STYK1: variants seen among roughly 807,000 people sequenced by gnomAD.
STYK1 encodes STY kinase 1, also known as tyrosine-protein kinase STYK1.
Under a neutral mutation model 48.1 loss-of-function variants are expected in STYK1, and 46 were observed. The ratio of observed to expected loss-of-function variants is 0.96; its 90% CI spans 0.75 to 1.22. The LOEUF (loss-of-function observed/expected upper bound fraction) is 1.22. Ranked by LOEUF, STYK1 falls within the 50% of genes most tolerant of loss-of-function variation. The pLI is 0.00. For missense variants in STYK1, 527 were observed against 521.1 expected (o/e 1.01, Z -0.11); for synonymous variants, 188 against 189.0 (o/e 0.99, Z 0.04).
intron 4 of STYK1, among the ~76,000 whole-genome samples, chr12:10,631,557 C>T (rs1947429469): frequency 6.6e-6 from 1 of 152,192 alleles, no homozygotes; most frequent in Non-Finnish European, 1.5e-5. Flanking sequence ...TTCCTTTCTG[C>T]CTTCCTTCCT....
chr12:10,650,352 C>A (rs929070175), intron 1 of STYK1, among the ~76,000 whole-genome samples: 2 of 152,252 alleles, frequency 1.3e-5, no homozygotes, highest in Non-Finnish European at 2.9e-5. Context: ...CTAACCTATA[C>A]AGCTGAGATA....
intron 1 of STYK1, among the ~76,000 whole-genome samples, chr12:10,643,583 A>T (rs567292844): frequency 2.0e-5 from 3 of 152,374 alleles, no homozygotes; most frequent in Non-Finnish European, 2.9e-5. Flanking sequence ...CATAAAAATT[A>T]TTAAATATGT....
intron 1 of STYK1, among the ~76,000 whole-genome samples, chr12:10,649,080 T>C (rs1947631489): frequency 6.6e-6 from 1 of 152,172 alleles, no homozygotes; most frequent in South Asian, 2.1e-4. Context: ...GGAAGATGTT[T>C]CTGAACACAC....
chr12:10,671,757 T>G (rs1204290479), intron 1 of STYK1, among the ~76,000 whole-genome samples: 1 of 152,232 alleles, frequency 6.6e-6, no homozygotes, highest in Non-Finnish European at 1.5e-5. Context: ...CAGAATCACA[T>G]AACTCCTGGC....
chr12:10,639,171 A>AG (rs1265139517), intron 1 of STYK1, among the ~76,000 whole-genome samples: 4 of 152,162 alleles, frequency 2.6e-5, no homozygotes, highest in Admixed American at 2.6e-4. Context: ...CAAACAAAAA[A>AG]CATGTTTAAT....
At chr12:10,621,395 G>A (rs1420309079) in intron 10 of STYK1, among the ~76,000 whole-genome samples, 1 of 152,126 alleles carries the variant, frequency 6.6e-6, no homozygotes, top group African/African-American at 2.4e-5. Flanking sequence ...TGGAAAAACA[G>A]GGAGACAGTC....
At chr12:10,635,360 G>A (rs1231909687) in intron 2 of STYK1, among the ~76,000 whole-genome samples, 5 of 152,180 alleles carry the variant, frequency 3.3e-5, no homozygotes, top group African/African-American at 1.2e-4. Flanking sequence ...AGATGTCGAA[G>A]GATATGAGTT....
chr12:10,647,661 G>T (rs1947615264), intron 1 of STYK1, among the ~76,000 whole-genome samples: 1 of 152,154 alleles, frequency 6.6e-6, no homozygotes, highest in Admixed American at 6.5e-5. Context: ...GAAGGGCCAG[G>T]AGTAAAATGA....
intron 6 of STYK1, among the ~76,000 whole-genome samples, chr12:10,628,898 C>G (rs1205029548): frequency 6.6e-6 from 1 of 151,832 alleles, no homozygotes; most frequent in Non-Finnish European, 1.5e-5. Flanking sequence ...TAATCATTAC[C>G]AAAAATACTC....
In STYK1 at chr12:10,619,361, C is replaced by CACAA. The variant is rs1472289018; in HGVS notation, c.*782_*783insTTGT. 2.0e-5 allele frequency: 3 copies of CACAA among 151,898 alleles called. No homozygotes were observed. The highest frequency in any genetic ancestry group is 4.4e-5 in the Non-Finnish European group (3 of 68,012). The allele number at this position is 151,898 out of a possible 1,614,324, so 9.4% of individuals were successfully genotyped here. ...CCTATTTATTGTGCACACACACACA[C>CACAA]ACACACACAGAATTCTTTTCACTGT... On this transcript the variant is annotated 3_prime_UTR_variant, in exon 11 of 11. Coordinates refer to ENST00000075503, the MANE Select transcript of STYK1 (RefSeq NM_018423.3).
chr12:10,658,768 T>G (rs1371564350), intron 1 of STYK1, among the ~76,000 whole-genome samples: 1 of 152,214 alleles, frequency 6.6e-6, no homozygotes, highest in Non-Finnish European at 1.5e-5. Flanking sequence ...AATAAATATG[T>G]TCTTGGTTAT....
chr12:10,660,326 TTC>T (rs1288366809), intron 1 of STYK1, among the ~76,000 whole-genome samples: 2 of 152,208 alleles, frequency 1.3e-5, no homozygotes, highest in Non-Finnish European at 2.9e-5. Flanking sequence ...CTGACCAAGC[TTC>T]TCTCTACCCT....
At chr12:10,639,809 C>T (rs766103368) in intron 1 of STYK1, among the ~76,000 whole-genome samples, 2 of 152,118 alleles carry the variant, frequency 1.3e-5, no homozygotes, top group Non-Finnish European at 2.9e-5. Context: ...CTTTGTTGTG[C>T]ATATATACTT....
At chr12:10,667,101 A>G (rs1469865642) in intron 1 of STYK1, among the ~76,000 whole-genome samples, 1 of 152,188 alleles carries the variant, frequency 6.6e-6, no homozygotes, top group Non-Finnish European at 1.5e-5. Context: ...CCATATTCCT[A>G]TATACTGTTA....
chr12:10,628,217 A>C (rs1947381979), intron 6 of STYK1, among the ~76,000 whole-genome samples: 1 of 152,238 alleles, frequency 6.6e-6, no homozygotes, highest in Non-Finnish European at 1.5e-5. Flanking sequence ...ATAATCATAC[A>C]TAAATCAATG....
intron 1 of STYK1, among the ~76,000 whole-genome samples, chr12:10,648,688 G>A (rs1358217575): frequency 2.0e-5 from 3 of 151,916 alleles, no homozygotes; most frequent in South Asian, 2.1e-4. Flanking sequence ...AGAGTGCAGT[G>A]ATGTGATCTT....
chr12:10,673,355 T>G lies in STYK1; in HGVS notation c.-195+611A>C, dbSNP rs187127199. The stretch of plus-strand genomic sequence containing the variant: ...TCGCGCCATTGCACTCCAGCCTGAG[T>G]GACAGAGCAAGACTCCCTCCCCCAC... On this transcript the variant is annotated intron_variant, in intron 1 of 10. Coordinates refer to ENST00000075503, the MANE Select transcript of STYK1 (RefSeq NM_018423.3). Among the ~76,000 whole-genome samples the G allele has an allele frequency of 2.8e-3, 431 of 151,480 alleles. 2 individuals are homozygous for G. The highest frequency in any genetic ancestry group is 0.01 in the African/African-American group (414 of 41,292).
At chr12:10,626,335 C>G (rs1262674042) in intron 7 of STYK1, among the ~76,000 whole-genome samples, 1 of 152,134 alleles carries the variant, frequency 6.6e-6, no homozygotes, top group Non-Finnish European at 1.5e-5. Context: ...AGGCTGTATC[C>G]TGACACTCTT....
chr12:10,659,042 T>C (rs1038190996), intron 1 of STYK1, among the ~76,000 whole-genome samples: 3 of 152,154 alleles, frequency 2.0e-5, no homozygotes, highest in African/African-American at 7.2e-5. Flanking sequence ...ACTTTGGAGA[T>C]TGTGACATTA....
Sources: allele counts gnomAD v4.1 joint callset (sites outside exome capture counted in the v4.1 genomes callset), GRCh38; gene constraint gnomAD v4.1.1; transcripts MANE v1.5; gene names NCBI Gene and HGNC (gene_info 2026-07-23, HGNC 2026-07-21).